The following GPC6 variants were observed in gnomAD, a reference collection of about 807,000 sequenced individuals.
GPC6 encodes glypican 6.
Under a neutral mutation model 55.2 loss-of-function variants are expected in GPC6, and 14 were observed. The observed-to-expected ratio is 0.25, with a 90% confidence interval of 0.17 to 0.40. The LOEUF (loss-of-function observed/expected upper bound fraction) is 0.40. Among genes scored for constraint, GPC6 ranks in the 10% least tolerant of loss-of-function variants. GPC6 has a pLI of 1.00. For synonymous variants in GPC6, 278 were observed against 259.6 expected, an observed-to-expected ratio of 1.07 and a Z score of -0.68; for missense variants, 641 against 708.5, an observed-to-expected ratio of 0.90 and a Z score of 1.08.
At chr13:93,802,206 C>G (rs556043545) in intron 2 of GPC6, among the ~76,000 whole-genome samples, 94 of 152,206 alleles carry the variant, frequency 6.2e-4, no homozygotes, top group African/African-American at 2.2e-3. Context: ...CTTTTATCTT[C>G]TGTCATCTTG....
chr13:93,627,595 C>A (rs1038851871), intron 2 of GPC6, among the ~76,000 whole-genome samples: 1 of 152,182 alleles, frequency 6.6e-6, no homozygotes, highest in Non-Finnish European at 1.5e-5. Context: ...TCTATAAGTA[C>A]GCTTCAGATC....
chr13:94,039,772 T>G (rs1009843822), intron 4 of GPC6, among the ~76,000 whole-genome samples: 1 of 151,868 alleles, frequency 6.6e-6, no homozygotes, highest in Admixed American at 6.6e-5. Flanking sequence ...TTCCCCATCT[T>G]GGGCTCCATA....
chr13:94,181,437 G>A (rs1888992048), intron 4 of GPC6, among the ~76,000 whole-genome samples: 1 of 152,136 alleles, frequency 6.6e-6, no homozygotes, highest in Admixed American at 6.5e-5. Context: ...GATATAGTTG[G>A]ATGTAATATT....
intron 4 of GPC6, among the ~76,000 whole-genome samples, chr13:94,086,787 T>A (rs997908724): frequency 1.3e-5 from 2 of 152,216 alleles, no homozygotes; most frequent in Admixed American, 1.3e-4. Flanking sequence ...GATTTTTTAA[T>A]AATCTTTTTA....
intron 2 of GPC6, among the ~76,000 whole-genome samples, chr13:93,673,659 A>T (rs1350029923): frequency 6.6e-6 from 1 of 152,130 alleles, no homozygotes; most frequent in African/African-American, 2.4e-5. Context: ...AAATTCATTA[A>T]ATACAGGATA....
chr13:93,719,521 A>G (rs915096904), intron 2 of GPC6, among the ~76,000 whole-genome samples: 4 of 152,074 alleles, frequency 2.6e-5, no homozygotes, highest in African/African-American at 7.2e-5. Context: ...CAATCGTGCC[A>G]TCTGCAAACA....
intron 2 of GPC6, among the ~76,000 whole-genome samples, chr13:93,797,497 A>G (rs1441874075): frequency 6.6e-6 from 1 of 152,190 alleles, no homozygotes; most frequent in Admixed American, 6.5e-5. Context: ...CTAAGATTTT[A>G]TGATTCTACT....
At chr13:93,500,557 G>T (rs566901589) in intron 1 of GPC6, among the ~76,000 whole-genome samples, 1 of 152,008 alleles carries the variant, frequency 6.6e-6, no homozygotes, top group South Asian at 2.1e-4. Context: ...AATATCCCAC[G>T]AACATATATC....
chr13:94,307,404 C>G (rs965114033), intron 6 of GPC6, among the ~76,000 whole-genome samples: 2 of 152,064 alleles, frequency 1.3e-5, no homozygotes, highest in African/African-American at 4.8e-5. Context: ...GCAAACTTGA[C>G]CTGCTGGGCT....
chr13:94,385,401 T>A (rs1370218868), intron 7 of GPC6, among the ~76,000 whole-genome samples: 5 of 152,162 alleles, frequency 3.3e-5, no homozygotes, highest in Non-Finnish European at 7.4e-5. Flanking sequence ...AGGAAAAAGA[T>A]TTAAATTTCA....
intron 1 of GPC6, among the ~76,000 whole-genome samples, chr13:93,524,049 A>G (rs1881554092): frequency 1.3e-5 from 2 of 152,024 alleles, no homozygotes; most frequent in Admixed American, 6.6e-5. Flanking sequence ...GAGCATTCCT[A>G]TGTGAGTTCA....
chr13:93,912,817 A>G (rs907650002), intron 3 of GPC6, among the ~76,000 whole-genome samples: 1 of 152,168 alleles, frequency 6.6e-6, no homozygotes. Flanking sequence ...TCTGAAATAA[A>G]GGGCTGTTTG....
At chr13:94,024,047 T>C (rs1230444205) in intron 3 of GPC6, among the ~76,000 whole-genome samples, 1 of 151,580 alleles carries the variant, frequency 6.6e-6, no homozygotes. Context: ...TTGATTGTGG[T>C]GGTGGTGGTT....
chr13:93,761,451 C>T (rs982189055), intron 2 of GPC6, among the ~76,000 whole-genome samples: 1 of 152,176 alleles, frequency 6.6e-6, no homozygotes, highest in Non-Finnish European at 1.5e-5. Context: ...TCTTCTCCCT[C>T]CTACCCCACC....
chr13:93,483,439 A>G (rs772651822), intron 1 of GPC6, among the ~76,000 whole-genome samples: 4 of 152,144 alleles, frequency 2.6e-5, no homozygotes, highest in Non-Finnish European at 5.9e-5. Context: ...ATTAGTTATT[A>G]TATAGAAATT....
At chr13:94,324,676 G>C (rs551064946) in intron 6 of GPC6, among the ~76,000 whole-genome samples, 2 of 150,092 alleles carry the variant, frequency 1.3e-5, no homozygotes, top group Non-Finnish European at 2.9e-5. Flanking sequence ...ATAAGGGACT[G>C]AGGAACCAGA....
intron 4 of GPC6, among the ~76,000 whole-genome samples, chr13:94,097,541 T>A (rs1358420771): frequency 6.6e-6 from 1 of 150,744 alleles, no homozygotes; most frequent in African/African-American, 2.4e-5. Context: ...GGCAAGTGAT[T>A]ATTTAATAGA....
chr13:94,331,604 A>G (rs1052836081), intron 6 of GPC6, among the ~76,000 whole-genome samples: 5 of 152,194 alleles, frequency 3.3e-5, no homozygotes, highest in African/African-American at 1.2e-4. Flanking sequence ...GGACAGCAGC[A>G]TTTGTCTGTC....
intron 2 of GPC6, among the ~76,000 whole-genome samples, chr13:93,773,684 C>T (rs1447167188): frequency 1.3e-5 from 2 of 152,118 alleles, no homozygotes; most frequent in Non-Finnish European, 2.9e-5. Context: ...TTTGGCAACT[C>T]CTTTTCAAAA....
Sources: allele counts gnomAD v4.1 joint callset (sites outside exome capture counted in the v4.1 genomes callset), GRCh38; gene constraint gnomAD v4.1.1; transcripts MANE v1.5; gene names NCBI Gene and HGNC (gene_info 2026-07-23, HGNC 2026-07-21).